Variants in MEFV observed in about 807,000 individuals in gnomAD.
MEFV encodes pyrin.
In MEFV, 60 loss-of-function variants were observed where a neutral mutation model predicts 62.5. The observed-to-expected ratio is 0.96, with a 90% CI of 0.78 to 1.19. The LOEUF (loss-of-function observed/expected upper bound fraction) is 1.19, where lower values mean the gene tolerates loss of function less well. Among genes scored for constraint, MEFV ranks in the 50% most tolerant of loss-of-function variants. MEFV has a pLI of 0.00. For missense variants in MEFV, 1,169 were observed against 1,004.5 expected (o/e 1.16, Z -2.21); for synonymous variants, 500 against 415.2 (o/e 1.20, Z -2.48).
At position 3,242,881 on chromosome 16, in the gene MEFV, G is replaced by C. The variant is rs935243727; in HGVS notation, c.*260C>G. The C allele has an allele frequency of 3.3e-5, 17 of 515,370 alleles. No individual in the cohort carries two copies. Among genetic ancestry groups the C allele is most frequent in the African/African-American group, 2.9e-4 (15 of 52,104 alleles). The allele number at this position is 515,370 out of a possible 1,614,324, so 31.9% of individuals were successfully genotyped here. On this transcript the variant is annotated 3_prime_UTR_variant, in exon 10 of 10. Transcript: ENST00000219596. ...AGCACCTGAGAGTGCCACCCACCAGGGGCGGATTATGCAACGACTCCGTAC... is the reference window on the plus strand; with the variant it reads ...AGCACCTGAGAGTGCCACCCACCAGCGGCGGATTATGCAACGACTCCGTAC...
rs765524141 is a variant in MEFV at position 3,249,557 on chromosome 16, G to T, written c.1134C>A (p.His378Gln). 3.7e-6 allele frequency: 6 copies of T among 1,614,116 alleles called. No homozygotes were observed. The highest frequency in any genetic ancestry group is 5.1e-6 in the Non-Finnish European group (6 of 1,180,058). Reference sequence around the variant, plus strand: ...AGAAGAGCAGCTGGACCTGCTTCAGGTGGCGCTTACACTGTGGCAGGGGCT... The same window carrying T: ...AGAAGAGCAGCTGGACCTGCTTCAGTTGGCGCTTACACTGTGGCAGGGGCT... ...SPQPLPQCKRHLKQVQLLFCE... is the reference protein window; with the variant it reads ...SPQPLPQCKRQLKQVQLLFCE... Residue 378 changes from histidine to glutamine, a missense_variant, in exon 3 of 10, where the codon CAC becomes CAA. Physicochemically the swap from His to Gln is conservative, Grantham distance 24. Coordinates refer to ENST00000219596, the MANE Select transcript of MEFV (RefSeq NM_000243.3).
At position 3,254,478 on chromosome 16, in the gene MEFV, C is replaced by A; in HGVS notation, c.590G>T (p.Gly197Val). Residue 197 changes from glycine (G) to valine (V), a missense_variant, in exon 2 of 10, where the codon GGC (glycine) becomes GTC (valine). Transcript: ENST00000219596. The part of the protein sequence containing the change: ...SPGPCRALEG[G>V]QAEVRLRRNA... ...TCTGCGCAGCCGGACCTCGGCCTGGCCCCCCTCTAGCGCCCTGCAGGGGCC... is the reference window on the plus strand; with the variant it reads ...TCTGCGCAGCCGGACCTCGGCCTGGACCCCCTCTAGCGCCCTGCAGGGGCC... The A allele has an allele frequency of 1.9e-6, 3 of 1,593,036 alleles. No homozygotes were observed. The South Asian group carries it at 3.3e-5, about 18-fold the overall frequency.
Position 3,243,311 on chromosome 16 carries a change from C to T in MEFV, c.2176G>A (p.Val726Ile). ...KRVGIFVDYR[V>I]GSISFYNVTA... ...ACATTGTAAAAGGAGATGCTTCCAA[C>T]TCTGTAGTCCACGAAGATGCCCACA... The change falls in exon 10 of 10, where the codon GTT becomes ATT. Residue 726 changes from valine to isoleucine, a missense_variant. Physicochemically the swap from Val to Ile is conservative, Grantham distance 29. Coordinates refer to ENST00000219596, the MANE Select transcript of MEFV (RefSeq NM_000243.3). 1 of 1,614,222 alleles carries T rather than the reference C, an allele frequency of 6.2e-7. No individual in the cohort carries two copies. Among genetic ancestry groups the T allele is most frequent in the Non-Finnish European group, 8.5e-7 (1 of 1,180,048 alleles).
chr16:3,249,466 C>T lies in MEFV; in HGVS notation c.1225G>A (p.Val409Met), dbSNP rs933544272. ...AGGGCGACCTCCTCAATGGGGCGCA[C>T]CCGGTGGCCTTGGTGCTCCTGACTC... ...SLSQEHQGHR[V>M]RPIEEVALEH... The change falls in exon 3 of 10, where the codon GTG (valine) becomes ATG (methionine). Residue 409 changes from valine (V) to methionine (M), a missense_variant. Transcript: ENST00000219596. The T allele has an allele frequency of 6.2e-7, 1 of 1,614,078 alleles. No individual in the cohort carries two copies. The highest frequency in any genetic ancestry group is 1.7e-5 in the Admixed American group (1 of 60,020).
At chr16:3,243,787 C>A (rs2141665340) in intron 9 of MEFV, 73 bp downstream of exon 9, 1 of 1,609,086 alleles carries the variant, frequency 6.2e-7, no homozygotes, top group Non-Finnish European at 8.5e-7. Context: ...CAGGGTAGTT[C>A]TTCTGGAACG....
At position 3,243,862 on chromosome 16, in the gene MEFV, G is replaced by C. The variant is rs1217109787; in HGVS notation, c.1790C>G (p.Ala597Gly). 1 of 1,613,924 alleles carries C rather than the reference G, an allele frequency of 6.2e-7. No individual in the cohort carries two copies. Among genetic ancestry groups the C allele is most frequent in the African/African-American group, 1.3e-5 (1 of 75,026 alleles). Residue 597 changes from alanine to glycine, a missense_variant and splice_region_variant, in exon 9 of 10, where the codon GCT (alanine) becomes GGT (glycine). Transcript: ENST00000219596. ...VPELIGAQAH[A>G]VNVILDAETA... Reference sequence around the variant, plus strand: ...CTTGCCTTGATCTGGGCACTTACCAGCATGTGCCTGAGCGCCAATCAGCTC... The same window carrying C: ...CTTGCCTTGATCTGGGCACTTACCACCATGTGCCTGAGCGCCAATCAGCTC...
At position 3,243,382 on chromosome 16, in the gene MEFV, G is replaced by T. The variant is rs104895166; in HGVS notation, c.2105C>A (p.Ser702Tyr). The change falls in exon 10 of 10, where the codon TCC (serine) becomes TAC (tyrosine). Residue 702 changes from serine (S) to tyrosine (Y), a missense_variant. By Grantham distance (144) the Ser-to-Tyr change is moderately radical. Transcript: ENST00000219596. ...IMMKENEYQA[S>Y]SVPPTRLLIK... is the part of the protein sequence containing the mutation. ...TAGCAGGCGGGTCGGGGGAACGCTG[G>T]ACGCCTGGTACTCATTTTCCTTCAT... 1.9e-6 allele frequency: 3 copies of T among 1,614,028 alleles called. No homozygotes were observed. Among genetic ancestry groups the T allele is most frequent in the South Asian group, 2.2e-5 (2 of 91,086 alleles).
At chr16:3,255,419 A>AT (rs1959102903) in intron 1 of MEFV, among the ~76,000 whole-genome samples, 1 of 151,480 alleles carries the variant, frequency 6.6e-6, no homozygotes, top group African/African-American at 2.4e-5. Context: ...CTCTTATTTT[A>AT]TTTTTTGAGA....
chr16:3,246,659 G>T, intron 5 of MEFV, 112 bp from the exon 6 acceptor site: 1 of 1,168,834 alleles, frequency 8.6e-7, no homozygotes, highest in Non-Finnish European at 1.3e-6. Flanking sequence ...CACTTACCAG[G>T]GCTCCCTGCC....
In MEFV at chr16:3,246,408, T is replaced by C; in HGVS notation, c.1610+117A>G. The C allele has an allele frequency of 3.4e-6, 4 of 1,174,716 alleles. No individual in the cohort carries two copies. The Admixed American group carries it at 7.4e-5, about 22-fold the overall frequency. The allele number at this position is 1,174,716 out of a possible 1,614,324, so 72.8% of individuals were successfully genotyped here. On this transcript the variant is annotated intron_variant, in intron 6 of 9. Transcript: ENST00000219596. ...GGGAAGCTGCAGAAAAAAGGAGGAG[T>C]CTGGAATCACAGACCCCGGGGTTGG...
At position 3,247,093 on chromosome 16, in the gene MEFV, G is replaced by A. The variant is rs886082025; in HGVS notation, c.1510C>T (p.Gln504Ter). 4.3e-6 allele frequency: 7 copies of A among 1,614,038 alleles called. No individual in the cohort carries two copies. In the African/African-American group the frequency reaches 9.3e-5, roughly 22 times the overall value. The part of the protein sequence containing the change: ...IRKAYDTRVS[Q>*]DIALLDALIG... ...AGCGCATCGAGCAGGGCGATGTCCT[G>A]GGATACGCGGGTGTCATATGCCTTC... is the stretch of plus-strand genomic sequence containing the variant. The change falls in exon 5 of 10, where the codon CAG (glutamine) becomes TAG (stop). Residue 504 changes from glutamine (Q) to a stop codon, truncating the protein, a stop_gained. Coordinates refer to ENST00000219596, the MANE Select transcript of MEFV (RefSeq NM_000243.3). LOFTEE classifies it high-confidence loss of function.
In MEFV at chr16:3,251,036, A is replaced by G. The variant is rs866137036; in HGVS notation, c.911-1256T>C. On this transcript the variant is annotated intron_variant, in intron 2 of 9. Coordinates refer to ENST00000219596, the MANE Select transcript of MEFV (RefSeq NM_000243.3). ...GAGACTCCATCTCAAAAAAAAAAAA[A>G]AAAAAAAAAAGAAATAGAAACACAC... Among the ~76,000 whole-genome samples the G allele has an allele frequency of 2.6e-3, 387 of 151,262 alleles. 2 individuals carry two copies. Among genetic ancestry groups the G allele is most frequent in the African/African-American group, 8.7e-3 (357 of 41,256 alleles).
In MEFV at chr16:3,254,371, G is replaced by T; in HGVS notation, c.697C>A (p.Leu233Met). The T allele has an allele frequency of 6.2e-7, 1 of 1,614,206 alleles. No individual in the cohort carries two copies. The highest frequency in any genetic ancestry group is 1.1e-5 in the South Asian group (1 of 91,092). Reference protein sequence around the residue: ...QKECRPFEVYLPSGKMRPRSL... With the variant: ...QKECRPFEVYMPSGKMRPRSL... The stretch of plus-strand genomic sequence containing the variant: ...CTAGGTCGCATCTTTCCCGAGGGCA[G>T]GTACACTTCGAAGGGCCTGCACTCC... The change falls in exon 2 of 10, where the codon CTG becomes ATG. Residue 233 changes from leucine to methionine, a missense_variant. Leu to Met is a conservative substitution (Grantham distance 15, BLOSUM62 2). Transcript: ENST00000219596.
chr16:3,256,254 T>C, intron 1 of MEFV, 57 bp downstream of exon 1: 1 of 1,589,012 alleles, frequency 6.3e-7, no homozygotes, highest in Non-Finnish European at 8.6e-7. Context: ...TGGTCCCCTT[T>C]CCCACAAAGC....
At chr16:3,246,964 G>T (rs998845820) in intron 5 of MEFV, 52 bp downstream of exon 5, 8 of 1,533,950 alleles carry the variant, frequency 5.2e-6, no homozygotes, top group African/African-American at 2.7e-5. Context: ...GGAGCCTGAG[G>T]CATCCTGATA....
At chr16:3,248,037 T>C (rs1011174243) in intron 4 of MEFV, 2 of 149,952 alleles carry the variant, frequency 1.3e-5, no homozygotes, top group African/African-American at 2.5e-5. Context: ...GGCAGGTGGA[T>C]CACCTGAGGT....
chr16:3,254,054 C>T (rs1244623190), intron 2 of MEFV, 104 bp downstream of exon 2: 6 of 1,322,718 alleles, frequency 4.5e-6, no homozygotes, highest in African/African-American at 1.4e-5. Context: ...GCAATCCTCC[C>T]GCCCTGGCCT....
intron 2 of MEFV, among the ~76,000 whole-genome samples, chr16:3,250,136 T>A (rs1312541784): frequency 1.3e-5 from 2 of 152,216 alleles, no homozygotes; most frequent in Non-Finnish European, 2.9e-5. Context: ...CTTGAACCCA[T>A]CCCTGGCTGC....
intron 2 of MEFV, 57 bp downstream of exon 2, chr16:3,254,100 GC>G: frequency 6.3e-7 from 1 of 1,585,164 alleles, no homozygotes; most frequent in Non-Finnish European, 8.6e-7. Context: ...GAGCTATCGT[GC>G]CCGGCCAGCC....
Sources: gnomAD v4.1 joint callset for allele counts (sites outside exome capture counted in the v4.1 genomes callset) on GRCh38, gnomAD v4.1.1 for gene constraint, MANE v1.5 for transcripts, NCBI Gene and HGNC (gene_info 2026-07-23, HGNC 2026-07-21) for gene names.